Variants in CACNB4 observed in about 807,000 individuals in gnomAD.
The protein encoded by CACNB4 is voltage-dependent L-type calcium channel subunit beta-4.
A neutral mutation model predicts 71.2 loss-of-function variants in CACNB4; 32 were observed. The ratio of observed to expected loss-of-function variants is 0.45; its 90% CI spans 0.34 to 0.60. The LOEUF (loss-of-function observed/expected upper bound fraction) is 0.60. Ranked by LOEUF, CACNB4 falls within the 20% of genes least tolerant of loss-of-function variation. CACNB4 has a pLI of 0.01. For missense variants in CACNB4, 464 were observed against 647.9 expected, an observed-to-expected ratio of 0.72 and a Z score of 3.08; for synonymous variants, 231 against 236.9, an observed-to-expected ratio of 0.97 and a Z score of 0.23.
chr2:152,044,971 G>T (rs1350497000), intron 2 of CACNB4, among the ~76,000 whole-genome samples: 1 of 152,140 alleles, frequency 6.6e-6, no homozygotes, highest in East Asian at 1.9e-4. Context: ...ACGGTGGGGG[G>T]TTGGTGGGGC....
chr2:152,045,618 T>TA (rs75234358), intron 2 of CACNB4, among the ~76,000 whole-genome samples: 44 of 151,208 alleles, frequency 2.9e-4, no homozygotes, highest in African/African-American at 9.5e-4. Context: ...TACCACATTT[T>TA]AAAAAAAAAA....
intron 2 of CACNB4, among the ~76,000 whole-genome samples, chr2:152,042,725 T>C (rs1684940151): frequency 6.6e-6 from 1 of 152,138 alleles, no homozygotes; most frequent in Non-Finnish European, 1.5e-5. Flanking sequence ...TCAGACGCGT[T>C]TGAACCAGAG....
chr2:151,892,655 T>C (rs1216317155), intron 2 of CACNB4, among the ~76,000 whole-genome samples: 2 of 151,858 alleles, frequency 1.3e-5, no homozygotes, highest in Non-Finnish European at 2.9e-5. Context: ...GAAGACACAA[T>C]GGAAACCACA....
At chr2:152,004,516 C>T (rs976245560) in intron 2 of CACNB4, among the ~76,000 whole-genome samples, 1 of 138,714 alleles carries the variant, frequency 7.2e-6, no homozygotes, top group Non-Finnish European at 1.5e-5. Flanking sequence ...CCCGTGTCCC[C>T]CCTACTTTAC....
chr2:152,088,520 T>G (rs1249633875), intron 2 of CACNB4, among the ~76,000 whole-genome samples: 1 of 152,212 alleles, frequency 6.6e-6, no homozygotes, highest in Admixed American at 6.5e-5. Flanking sequence ...TTTTCAAGTT[T>G]ATGTTTACAA....
intron 2 of CACNB4, among the ~76,000 whole-genome samples, chr2:151,896,101 C>G (rs887644745): frequency 1.3e-5 from 2 of 152,178 alleles, no homozygotes; most frequent in African/African-American, 4.8e-5. Context: ...CTGCCTTGGC[C>G]TCCCAAAATG....
At chr2:151,882,665 T>C (rs1578622343) in intron 3 of CACNB4, among the ~76,000 whole-genome samples, 1 of 152,218 alleles carries the variant, frequency 6.6e-6, no homozygotes, top group Admixed American at 6.5e-5. Flanking sequence ...AACCATGCAG[T>C]TGGCTCCTTG....
chr2:151,920,316 TTC>T lies in CACNB4; in HGVS notation c.148-36948_148-36947del, dbSNP rs1362030833. On this transcript the variant is annotated intron_variant, in intron 2 of 13. Transcript: ENST00000539935. ...CTAGAGTCTTTTCTTCTTCTTCTTC[TTC>T]TTTTTTTTTTTTTTTTTTTTTGAGA... Among the ~76,000 whole-genome samples, 577 of 84,710 alleles carry T rather than the reference TTC, an allele frequency of 6.8e-3. 44 individuals are homozygous for T. Among genetic ancestry groups the T allele is most frequent in the African/African-American group, 0.027 (549 of 20,524 alleles). 55.6% of individuals were successfully genotyped at this position (84,710 alleles called of 152,430 possible).
intron 2 of CACNB4, chr2:151,971,277 C>T (rs1051027148): frequency 5.3e-6 from 3 of 569,216 alleles, no homozygotes; most frequent in Non-Finnish European, 6.3e-6. Flanking sequence ...GATCTTATTA[C>T]AAGCTTACTG....
intron 2 of CACNB4, among the ~76,000 whole-genome samples, chr2:151,956,074 G>A (rs2099868181): frequency 6.6e-6 from 1 of 152,200 alleles, no homozygotes. Flanking sequence ...GACAAGAGCA[G>A]GATTATATGG....
At chr2:151,916,970 C>G (rs919080404) in intron 2 of CACNB4, among the ~76,000 whole-genome samples, 1 of 152,212 alleles carries the variant, frequency 6.6e-6, no homozygotes, top group Admixed American at 6.5e-5. Context: ...AGTTCAGACA[C>G]TCTGGTATAA....
intron 5 of CACNB4, among the ~76,000 whole-genome samples, chr2:151,874,539 AT>A (rs1322796615): frequency 2.0e-5 from 3 of 152,014 alleles, no homozygotes; most frequent in African/African-American, 7.2e-5. Flanking sequence ...TAATAATAGT[AT>A]TGGCAAGTTA....
chr2:152,027,925 T>G (rs984110900), intron 2 of CACNB4, among the ~76,000 whole-genome samples: 5 of 149,754 alleles, frequency 3.3e-5, no homozygotes, highest in African/African-American at 1.2e-4. Flanking sequence ...CTAACCTGCC[T>G]GAGAGCCTGC....
chr2:152,099,114 C>G, upstream of CACNB4: 1 of 687,774 alleles, frequency 1.5e-6, no homozygotes, highest in Non-Finnish European at 2.3e-6. Flanking sequence ...ACTTCCCCAC[C>G]CGGCTCCAGG....
In CACNB4 at chr2:152,018,492, G is replaced by A. The variant is rs114724905; in HGVS notation, c.147+79838C>T. 9.5e-3 allele frequency among the ~76,000 whole-genome samples: 1,438 copies of A among 152,158 alleles called. 17 individuals are homozygous for A. The highest frequency in any genetic ancestry group is 0.033 in the African/African-American group (1,362 of 41,490). On this transcript the variant is annotated intron_variant, in intron 2 of 13. Coordinates refer to ENST00000539935, the MANE Select transcript of CACNB4 (RefSeq NM_000726.5). ...GGTAGTCAAATATTTATTAGATTTT[G>A]CAGACTATTTTCAAAAGACAAATAA...
intron 3 of CACNB4, 139 bp from the exon 4 acceptor site, chr2:151,881,061 A>G (rs1334813475): frequency 3.3e-5 from 27 of 824,770 alleles, no homozygotes; most frequent in South Asian, 4.4e-5. Flanking sequence ...TTCTCAAGCA[A>G]TATCAAGAAA....
intron 2 of CACNB4, among the ~76,000 whole-genome samples, chr2:151,892,105 G>C (rs1187064002): frequency 6.6e-6 from 1 of 152,194 alleles, no homozygotes; most frequent in East Asian, 1.9e-4. Flanking sequence ...TCCTGAATAT[G>C]CTGCTGGTAG....
intron 2 of CACNB4, among the ~76,000 whole-genome samples, chr2:151,979,810 C>T (rs1480135227): frequency 6.6e-6 from 1 of 152,174 alleles, no homozygotes; most frequent in East Asian, 1.9e-4. Context: ...AATCAAAGCT[C>T]TCACATTTTG....
At position 151,853,547 on chromosome 2, in the gene CACNB4, A is replaced by T; in HGVS notation, c.1021-4T>A. 3.9e-6 allele frequency: 6 copies of T among 1,541,210 alleles called. No individual in the cohort carries two copies. The highest frequency in any genetic ancestry group is 5.3e-6 in the Non-Finnish European group (6 of 1,128,208). Reference sequence around the variant, plus strand: ...ATTTAATCAACCGCTGTAAAACCTGATAGAAGAAGACATGAACCTGAGGTA... The same window carrying T: ...ATTTAATCAACCGCTGTAAAACCTGTTAGAAGAAGACATGAACCTGAGGTA... On this transcript the variant is annotated splice_polypyrimidine_tract_variant and splice_region_variant and intron_variant, in intron 11 of 13. Coordinates refer to ENST00000539935, the MANE Select transcript of CACNB4 (RefSeq NM_000726.5).
Sources: gnomAD v4.1 joint callset for allele counts (sites outside exome capture counted in the v4.1 genomes callset) on GRCh38, gnomAD v4.1.1 for gene constraint, MANE v1.5 for transcripts, NCBI Gene and HGNC (gene_info 2026-07-23, HGNC 2026-07-21) for gene names.